Variants in HS6ST3 observed in about 807,000 individuals in gnomAD.
The protein encoded by HS6ST3 is heparan-sulfate 6-O-sulfotransferase 3.
HS6ST3 carries 12 observed loss-of-function variants against 36.7 expected under a neutral mutation model. The observed-to-expected ratio is 0.33, with a 90% confidence interval of 0.21 to 0.53. HS6ST3 has a LOEUF of 0.53. HS6ST3 is among the 20% of genes least tolerant of loss of function. The pLI, the probability that HS6ST3 is intolerant of heterozygous loss-of-function variation, is 0.95. For synonymous variants in HS6ST3, 240 were observed against 257.5 expected, an observed-to-expected ratio of 0.93 and a Z score of 0.65; for missense variants, 584 against 640.9, an observed-to-expected ratio of 0.91 and a Z score of 0.96.
Position 96,135,225 on chromosome 13 carries a change from ATCT to A in HS6ST3, c.707+43662_707+43664del, listed in dbSNP as rs150907414. Among the ~76,000 whole-genome samples, 153 of 152,166 alleles carry A rather than the reference ATCT, an allele frequency of 1.0e-3. 2 individuals carry two copies. In the East Asian group the frequency reaches 0.027, roughly 27 times the overall value. ...TTATGGGAGACTGCTGGGTGTGTTGATCTTCTTCCTTCATTCCCATGTGTCCCA... is the reference window on the plus strand; with the variant it reads ...TTATGGGAGACTGCTGGGTGTGTTGATCTTCCTTCATTCCCATGTGTCCCA... On this transcript the variant is annotated intron_variant, in intron 1 of 1. Transcript: ENST00000376705.
chr13:96,241,699 C>A (rs1594728259), intron 1 of HS6ST3, among the ~76,000 whole-genome samples: 1 of 147,538 alleles, frequency 6.8e-6, no homozygotes, highest in South Asian at 2.1e-4. Context: ...AAATATGTTA[C>A]ATTGGATTAA....
At chr13:96,367,737 G>C (rs1022959902) in intron 1 of HS6ST3, among the ~76,000 whole-genome samples, 3 of 152,198 alleles carry the variant, frequency 2.0e-5, no homozygotes, top group African/African-American at 7.2e-5. Context: ...CTAGACGTCA[G>C]TTACATTGAA....
intron 1 of HS6ST3, among the ~76,000 whole-genome samples, chr13:96,641,825 A>G (rs1444927350): frequency 6.6e-6 from 1 of 151,902 alleles, no homozygotes; most frequent in Non-Finnish European, 1.5e-5. Flanking sequence ...TTATTGTAAA[A>G]GAAATTATAT....
chr13:96,737,228 G>A (rs1315379904), intron 1 of HS6ST3, among the ~76,000 whole-genome samples: 1 of 152,126 alleles, frequency 6.6e-6, no homozygotes, highest in Non-Finnish European at 1.5e-5. Context: ...AGACTATTTT[G>A]CTCAGTTTTA....
intron 1 of HS6ST3, among the ~76,000 whole-genome samples, chr13:96,413,524 A>T (rs1199488089): frequency 6.6e-6 from 1 of 152,196 alleles, no homozygotes; most frequent in Non-Finnish European, 1.5e-5. Flanking sequence ...GCAAAATATT[A>T]AGATTGAGAA....
At chr13:96,818,035 T>C (rs1247197798) in intron 1 of HS6ST3, among the ~76,000 whole-genome samples, 1 of 152,212 alleles carries the variant, frequency 6.6e-6, no homozygotes, top group Non-Finnish European at 1.5e-5. Context: ...GTGTCCCCAT[T>C]TGAGTGTTTT....
chr13:96,718,340 A>G (rs1875755587), intron 1 of HS6ST3, among the ~76,000 whole-genome samples: 1 of 152,216 alleles, frequency 6.6e-6, no homozygotes, highest in South Asian at 2.1e-4. Context: ...CCTCAGATCA[A>G]AGCTTTCCTT....
intron 1 of HS6ST3, among the ~76,000 whole-genome samples, chr13:96,704,114 A>G (rs1261230797): frequency 1.3e-5 from 2 of 152,202 alleles, no homozygotes; most frequent in Admixed American, 1.3e-4. Flanking sequence ...AGTCCCAAGT[A>G]AGCACTTCCT....
At chr13:96,454,749 G>A (rs1403771429) in intron 1 of HS6ST3, among the ~76,000 whole-genome samples, 1 of 151,842 alleles carries the variant, frequency 6.6e-6, no homozygotes, top group Admixed American at 6.6e-5. Context: ...AGATCATGAG[G>A]ATGGTGGTTA....
At chr13:96,721,418 T>C (rs1875843175) in intron 1 of HS6ST3, among the ~76,000 whole-genome samples, 1 of 152,166 alleles carries the variant, frequency 6.6e-6, no homozygotes, top group South Asian at 2.1e-4. Context: ...TAAATAATAA[T>C]ATTTCTCTAA....
At chr13:96,196,370 C>G (rs1164330774) in intron 1 of HS6ST3, among the ~76,000 whole-genome samples, 2 of 152,104 alleles carry the variant, frequency 1.3e-5, no homozygotes, top group Non-Finnish European at 2.9e-5. Flanking sequence ...TGACGGGCAT[C>G]TCCTAAGTGT....
chr13:96,639,602 T>C (rs150134701), intron 1 of HS6ST3, among the ~76,000 whole-genome samples: 86 of 152,094 alleles, frequency 5.7e-4, no homozygotes, highest in Admixed American at 1.6e-3. Context: ...GTTATTTGGA[T>C]ATATTGTGTG....
intron 1 of HS6ST3, among the ~76,000 whole-genome samples, chr13:96,368,221 C>G (rs1028101762): frequency 3.3e-5 from 5 of 152,090 alleles, no homozygotes; most frequent in African/African-American, 1.2e-4. Context: ...AAACCTATTA[C>G]CCATCCAAAA....
intron 1 of HS6ST3, among the ~76,000 whole-genome samples, chr13:96,822,568 C>G (rs1395425363): frequency 2.6e-5 from 4 of 152,160 alleles, no homozygotes; most frequent in Non-Finnish European, 1.5e-5. Context: ...TATAAGGCAG[C>G]GACGTGACAA....
intron 1 of HS6ST3, among the ~76,000 whole-genome samples, chr13:96,687,754 C>T (rs1874826605): frequency 6.6e-6 from 1 of 151,792 alleles, no homozygotes; most frequent in Non-Finnish European, 1.5e-5. Context: ...AGGATTGAGA[C>T]TCTCCATCTT....
At chr13:96,766,901 C>A (rs1353246350) in intron 1 of HS6ST3, among the ~76,000 whole-genome samples, 1 of 152,198 alleles carries the variant, frequency 6.6e-6, no homozygotes, top group Non-Finnish European at 1.5e-5. Context: ...AATTAACAAA[C>A]AGGCTCATTC....
intron 1 of HS6ST3, among the ~76,000 whole-genome samples, chr13:96,351,003 A>G (rs1172387655): frequency 1.3e-5 from 2 of 152,164 alleles, no homozygotes; most frequent in African/African-American, 2.4e-5. Flanking sequence ...TCCCTAAGCA[A>G]TGTTAAGACA....
At chr13:96,780,067 A>G (rs1236031136) in intron 1 of HS6ST3, among the ~76,000 whole-genome samples, 1 of 152,202 alleles carries the variant, frequency 6.6e-6, no homozygotes, top group Non-Finnish European at 1.5e-5. Flanking sequence ...TCAGTGGCAG[A>G]CCTGGAACAC....
chr13:96,200,333 C>A (rs778050562), intron 1 of HS6ST3, among the ~76,000 whole-genome samples: 1 of 152,186 alleles, frequency 6.6e-6, no homozygotes, highest in Non-Finnish European at 1.5e-5. Flanking sequence ...CTCTCCCCTA[C>A]TTTCTTGACT....
Sources: allele counts gnomAD v4.1 joint callset (sites outside exome capture counted in the v4.1 genomes callset), GRCh38; gene constraint gnomAD v4.1.1; transcripts MANE v1.5; gene names NCBI Gene and HGNC (gene_info 2026-07-23, HGNC 2026-07-21).